The following STK35 variants were observed in gnomAD, a reference collection of about 807,000 sequenced individuals.
STK35 encodes serine/threonine-protein kinase 35.
A neutral mutation model predicts 37.3 loss-of-function variants in STK35; 17 were observed. The observed-to-expected ratio is 0.46, with a 90% CI of 0.31 to 0.68. The LOEUF is 0.68. Ranked by LOEUF, STK35 falls within the 30% of genes least tolerant of loss-of-function variation. STK35 has a pLI of 0.05. For missense variants in STK35, 595 were observed against 746.7 expected, an observed-to-expected ratio of 0.80 and a Z score of 2.37; for synonymous variants, 385 against 319.1, an observed-to-expected ratio of 1.21 and a Z score of -2.20.
chr20:2,120,783 G>A (rs769280634), intron 3 of STK35, among the ~76,000 whole-genome samples: 1 of 152,128 alleles, frequency 6.6e-6, no homozygotes, highest in Non-Finnish European at 1.5e-5. Flanking sequence ...CTTAACATTC[G>A]TTCTGTTGGG....
At chr20:2,112,053 G>C (rs1985629489) in intron 2 of STK35, among the ~76,000 whole-genome samples, 1 of 152,198 alleles carries the variant, frequency 6.6e-6, no homozygotes, top group African/African-American at 2.4e-5. Flanking sequence ...ATGCCCCTCA[G>C]CTCACCGCAC....
At chr20:2,120,220 C>G (rs534394440) in intron 3 of STK35, among the ~76,000 whole-genome samples, 2 of 152,204 alleles carry the variant, frequency 1.3e-5, no homozygotes, top group Admixed American at 6.5e-5. Context: ...GTTGTCATAA[C>G]TAATTGAGAT....
At position 2,102,783 on chromosome 20, in the gene STK35, C is replaced by T. The variant is rs980466082; in HGVS notation, c.310C>T (p.Pro104Ser). 23 of 1,464,686 alleles carry T rather than the reference C, an allele frequency of 1.6e-5. No individual in the cohort carries two copies. In the Admixed American group the frequency reaches 3.7e-4, roughly 24 times the overall value. The allele number at this position is 1,464,686 out of a possible 1,614,324, so 90.7% of individuals were successfully genotyped here. ...TCGCCCGCAGGTCACAATCCAAGGT[C>T]CGGCTCCTCCGCGTCCCAGGGCCGG... The part of the protein sequence containing the change: ...RCAGQVTIQG[P>S]APPRPRAGRR... Residue 104 changes from proline to serine, a missense_variant, in exon 2 of 4, where the codon CCG becomes TCG. By Grantham distance (74) the Pro-to-Ser change is moderately conservative (BLOSUM62 -1). Around this residue, in one of 3 missense-constraint regions of STK35, gnomAD observed 389 missense variants for 320.0 expected, o/e 1.22. Coordinates refer to ENST00000381482, the MANE Select transcript of STK35 (RefSeq NM_080836.4).
Position 2,101,932 on chromosome 20 carries a change from T to C in STK35, c.51T>C (p.Ala17=), listed in dbSNP as rs1985393447. 2 of 1,485,260 alleles carry C rather than the reference T, an allele frequency of 1.3e-6. No individual in the cohort carries two copies. The highest frequency in any genetic ancestry group is 1.2e-5 in the South Asian group (1 of 80,712). 92.0% of individuals were successfully genotyped at this position (1,485,260 alleles called of 1,614,324 possible). A position where few individuals can be genotyped will look rare whatever the true frequency, so the allele number is the denominator to read the frequency against. Residue 17 remains alanine, a synonymous_variant, in exon 1 of 4, where the codon GCT becomes GCC. Coordinates refer to ENST00000381482, the MANE Select transcript of STK35 (RefSeq NM_080836.4). ...PLARAPAGGA[A]YVKRLCKGLS... ...CCCGGGCGCCGGCGGGAGGTGCAGC[T>C]TATGTAAAGAGGTTATGTAAAGGGC...
chr20:2,116,585 G>C (rs559687380), intron 2 of STK35, 81 bp from the exon 3 acceptor site: 1 of 1,445,570 alleles, frequency 6.9e-7, no homozygotes, highest in East Asian at 2.3e-5. Flanking sequence ...TGTCACTCTT[G>C]AATACACTGC....
intron 3 of STK35, among the ~76,000 whole-genome samples, chr20:2,134,130 C>G (rs1986044612): frequency 6.6e-6 from 1 of 151,956 alleles, no homozygotes; most frequent in Non-Finnish European, 1.5e-5. Context: ...CGTGGTGGTG[C>G]ACACCTGTAA....
chr20:2,122,800 CAG>C (rs1985842304), intron 3 of STK35, among the ~76,000 whole-genome samples: 1 of 152,202 alleles, frequency 6.6e-6, no homozygotes, highest in Non-Finnish European at 1.5e-5. Context: ...CCTCTGAAGA[CAG>C]TGGTCTTTGG....
intron 2 of STK35, among the ~76,000 whole-genome samples, chr20:2,106,157 T>C (rs976033010): frequency 6.6e-6 from 1 of 152,240 alleles, no homozygotes; most frequent in African/African-American, 2.4e-5. Flanking sequence ...GGTTAAACTT[T>C]GCTTATTCTG....
chr20:2,138,897 T>C (rs1986129972), intron 3 of STK35, among the ~76,000 whole-genome samples: 1 of 152,006 alleles, frequency 6.6e-6, no homozygotes, highest in Non-Finnish European at 1.5e-5. Flanking sequence ...TGTAGTGGCA[T>C]GTACCTATAA....
intron 3 of STK35, among the ~76,000 whole-genome samples, chr20:2,141,148 C>G (rs1461999552): frequency 6.6e-6 from 1 of 152,208 alleles, no homozygotes; most frequent in Non-Finnish European, 1.5e-5. Context: ...TCAGGTTGAT[C>G]TGCTGTGTCT....
Position 2,116,731 on chromosome 20 carries a change from G to T in STK35, c.958G>T (p.Gly320Cys), listed in dbSNP as rs1985723501. Reference protein sequence around the residue: ...YLWFVMEFCEGGDLNQYVLSR... With the variant: ...YLWFVMEFCECGDLNQYVLSR... ...CTGGTTTGTCATGGAGTTCTGTGAAGGTGGAGACCTGAATCAGTATGTCCT... is the reference window on the plus strand; with the variant it reads ...CTGGTTTGTCATGGAGTTCTGTGAATGTGGAGACCTGAATCAGTATGTCCT... Residue 320 changes from glycine (G) to cysteine (C), a missense_variant, in exon 3 of 4, where the codon GGT becomes TGT. Physicochemically the swap from Gly to Cys is radical, Grantham distance 159. Coordinates refer to ENST00000381482, the MANE Select transcript of STK35 (RefSeq NM_080836.4). 6.2e-7 allele frequency: 1 copy of T among 1,614,092 alleles called. No individual in the cohort carries two copies. The highest frequency in any genetic ancestry group is 1.7e-5 in the Admixed American group (1 of 60,006).
rs1227890341 is a variant in STK35 at position 2,102,814 on chromosome 20, G to A, written c.341G>A (p.Arg114Lys). ...CCTCCGCGTCCCAGGGCCGGACGGAGGGATGAGGCAGGGGGGGCCCGGGCA... is the reference window on the plus strand; with the variant it reads ...CCTCCGCGTCCCAGGGCCGGACGGAAGGATGAGGCAGGGGGGGCCCGGGCA... ...PAPPRPRAGR[R>K]DEAGGARAAP... The change falls in exon 2 of 4, where the codon AGG (arginine) becomes AAG (lysine). Residue 114 changes from arginine (R) to lysine (K), a missense_variant. Arg to Lys is a conservative substitution (Grantham distance 26). This residue lies in a region of STK35 where 389 missense variants were observed against 320.0 expected (regional missense o/e 1.22). Transcript: ENST00000381482. 6.6e-7 allele frequency: 1 copy of A among 1,515,930 alleles called. No individual in the cohort carries two copies. The highest frequency in any genetic ancestry group is 8.8e-7 in the Non-Finnish European group (1 of 1,137,684). 93.9% of individuals were successfully genotyped at this position (1,515,930 alleles called of 1,614,324 possible).
chr20:2,103,798 C>A (rs1178097566), intron 2 of STK35, among the ~76,000 whole-genome samples: 1 of 152,168 alleles, frequency 6.6e-6, no homozygotes, highest in African/African-American at 2.4e-5. Flanking sequence ...TGGACCCACC[C>A]ACACCCTCTC....
intron 3 of STK35, among the ~76,000 whole-genome samples, chr20:2,132,339 T>C (rs1986014434): frequency 6.6e-6 from 1 of 152,108 alleles, no homozygotes; most frequent in South Asian, 2.1e-4. Flanking sequence ...AAGAACAGAT[T>C]AGGATATTTG....
intron 3 of STK35, among the ~76,000 whole-genome samples, chr20:2,142,201 T>A (rs1986183238): frequency 6.6e-6 from 1 of 152,160 alleles, no homozygotes; most frequent in African/African-American, 2.4e-5. Context: ...GGTAGAGTCA[T>A]TGAGTATGTT....
rs754667384 is a variant in STK35, at chr20:2,117,027, G to A, written c.1254G>A (p.Ser418=). The A allele has an allele frequency of 1.3e-5, 21 of 1,614,040 alleles. No homozygotes were observed. The highest frequency in any genetic ancestry group is 8.3e-5 in the Admixed American group (5 of 60,002). ...ACTGGCTGTCCTCAGCCTGCGGTTC[G>A]GACTTCTACATGGCTCCTGAAGTCT... ...NKYWLSSACG[S]DFYMAPEVWE... The change falls in exon 3 of 4, where the codon TCG becomes TCA. Residue 418 remains serine (S), a synonymous_variant. Transcript: ENST00000381482. The surrounding 1 kb of genome is among the most constrained non-coding windows in gnomAD (Gnocchi z 4.4).
chr20:2,144,129 G>C lies in STK35; in HGVS notation c.*383G>C. 2 of 308,462 alleles carry C rather than the reference G, an allele frequency of 6.5e-6. No individual in the cohort carries two copies. Among genetic ancestry groups the C allele is most frequent in the South Asian group, 5.0e-5 (2 of 40,214 alleles). 19.1% of individuals were successfully genotyped at this position (308,462 alleles called of 1,614,324 possible). On this transcript the variant is annotated 3_prime_UTR_variant, in exon 4 of 4. Coordinates refer to ENST00000381482, the MANE Select transcript of STK35 (RefSeq NM_080836.4). The stretch of plus-strand genomic sequence containing the variant: ...ATAAGGGGTTAGGGAGCTATTTTTG[G>C]TTTTGTCCTTCACTTTCCCTCTGTC...
intron 1 of STK35, among the ~76,000 whole-genome samples, 163 bp from the exon 2 acceptor site, chr20:2,102,605 T>C (rs1211600122): frequency 6.6e-6 from 1 of 152,202 alleles, no homozygotes; most frequent in Non-Finnish European, 1.5e-5. Context: ...AGTGGTTCGG[T>C]CTTTCCCGCT....
intron 3 of STK35, among the ~76,000 whole-genome samples, chr20:2,135,831 C>T (rs1280275807): frequency 6.6e-6 from 1 of 152,198 alleles, no homozygotes; most frequent in African/African-American, 2.4e-5. Context: ...GCTTGGGCGA[C>T]AGCAAGACTA....
Sources: allele counts gnomAD v4.1 joint callset (sites outside exome capture counted in the v4.1 genomes callset), GRCh38; gene constraint gnomAD v4.1.1; regional missense constraint gnomAD v4.1.1; non-coding constraint Gnocchi (gnomAD v3.1); transcripts MANE v1.5; gene names NCBI Gene and HGNC (gene_info 2026-07-23, HGNC 2026-07-21).